KCNC2: variants seen among roughly 807,000 people sequenced by gnomAD.
KCNC2 encodes the protein voltage-gated potassium channel KCNC2.
In KCNC2, 21 loss-of-function variants were observed where a neutral mutation model predicts 44.5. The ratio of observed to expected loss-of-function variants is 0.47; its 90% confidence interval spans 0.33 to 0.68. The LOEUF is 0.68. Ranked by LOEUF, KCNC2 falls within the 30% of genes least tolerant of loss-of-function variation. The probability of loss-of-function intolerance (pLI) is 0.01; values close to 1 mark genes in which losing one functional copy is unlikely to be tolerated. For synonymous variants in KCNC2, 391 were observed against 339.1 expected, an observed-to-expected ratio of 1.15 and a Z score of -1.68; for missense variants, 589 against 826.2, an observed-to-expected ratio of 0.71 and a Z score of 3.52.
intron 2 of KCNC2, among the ~76,000 whole-genome samples, chr12:75,145,417 G>T (rs1237598566): frequency 6.6e-6 from 1 of 151,576 alleles, no homozygotes; most frequent in African/African-American, 2.4e-5. Flanking sequence ...TTTACATGCT[G>T]GGTCTAAGCC....
intron 2 of KCNC2, among the ~76,000 whole-genome samples, chr12:75,070,755 A>G (rs1883319081): frequency 6.6e-6 from 1 of 152,120 alleles, no homozygotes; most frequent in Non-Finnish European, 1.5e-5. Context: ...GTTTAGAGAC[A>G]CTAACTTTAT....
chr12:75,120,981 G>A (rs1237608226), intron 2 of KCNC2, among the ~76,000 whole-genome samples: 1 of 152,028 alleles, frequency 6.6e-6, no homozygotes, highest in African/African-American at 2.4e-5. Context: ...CCAATATAGG[G>A]CAACTTTCCA....
intron 2 of KCNC2, among the ~76,000 whole-genome samples, chr12:75,141,603 T>TAA (rs59500567): frequency 1.3e-5 from 2 of 152,020 alleles, no homozygotes; most frequent in African/African-American, 4.8e-5. Context: ...CATTCCATTT[T>TAA]AAAAAATTTA....
At chr12:75,068,522 A>G (rs772906353) in intron 2 of KCNC2, among the ~76,000 whole-genome samples, 32 of 152,238 alleles carry the variant, frequency 2.1e-4, no homozygotes, top group Non-Finnish European at 4.0e-4. Context: ...AATAATTTAT[A>G]CAAAGTAGAA....
At chr12:75,151,308 G>T (rs1890377327) in intron 2 of KCNC2, among the ~76,000 whole-genome samples, 1 of 151,982 alleles carries the variant, frequency 6.6e-6, no homozygotes, top group Non-Finnish European at 1.5e-5. Context: ...CCACAGAATA[G>T]TCTTCACACA....
chr12:75,083,099 A>G (rs1884656141), intron 2 of KCNC2, among the ~76,000 whole-genome samples: 1 of 144,728 alleles, frequency 6.9e-6, no homozygotes, highest in Non-Finnish European at 1.5e-5. Context: ...AATTAAAATT[A>G]TTTTCTTTTA....
intron 2 of KCNC2, among the ~76,000 whole-genome samples, chr12:75,109,839 T>C (rs1887083428): frequency 6.6e-6 from 1 of 151,926 alleles, no homozygotes; most frequent in African/African-American, 2.4e-5. Context: ...TAACTTGAAA[T>C]GAATAAAAGG....
intron 2 of KCNC2, among the ~76,000 whole-genome samples, chr12:75,148,530 T>A: frequency 6.6e-6 from 1 of 152,130 alleles, no homozygotes; most frequent in East Asian, 1.9e-4. Context: ...CTTATTTTAG[T>A]AATTTAAAAC....
At chr12:75,048,840 G>A (rs905829201) in intron 3 of KCNC2, among the ~76,000 whole-genome samples, 1 of 152,052 alleles carries the variant, frequency 6.6e-6, no homozygotes, top group Non-Finnish European at 1.5e-5. Flanking sequence ...CAATTTTGAA[G>A]CGGCAAGATA....
At chr12:75,045,558 G>A (rs1171256356) in intron 4 of KCNC2, among the ~76,000 whole-genome samples, 3 of 151,516 alleles carry the variant, frequency 2.0e-5, no homozygotes, top group Non-Finnish European at 4.4e-5. Flanking sequence ...GGTTTTACTC[G>A]AATGGCTAAA....
rs1879935735 is a variant in KCNC2 at position 75,041,805 on chromosome 12, C to T, written c.*1300G>A. 2 of 989,278 alleles carry T rather than the reference C, an allele frequency of 2.0e-6. No homozygotes were observed. Among genetic ancestry groups the T allele is most frequent in the Non-Finnish European group, 2.4e-6 (2 of 832,400 alleles). The allele number at this position is 989,278 out of a possible 1,614,324, so 61.3% of individuals were successfully genotyped here. On this transcript the variant is annotated 3_prime_UTR_variant, in exon 5 of 5. Coordinates refer to ENST00000549446, the MANE Select transcript of KCNC2 (RefSeq NM_139137.4). The stretch of plus-strand genomic sequence containing the variant: ...CGATTAACTTAGGTAGTCTACAGAG[C>T]ATCATTAATTTATACACAAAGCAGA...
At chr12:75,122,570 CACA>C (rs1888121520) in intron 2 of KCNC2, among the ~76,000 whole-genome samples, 3 of 152,248 alleles carry the variant, frequency 2.0e-5, no homozygotes, top group Admixed American at 2.0e-4. Flanking sequence ...TCATCTCCTC[CACA>C]TGGCTTTAGA....
chr12:75,148,527 T>C (rs2137448664), intron 2 of KCNC2, among the ~76,000 whole-genome samples: 1 of 152,230 alleles, frequency 6.6e-6, no homozygotes, highest in South Asian at 2.1e-4. Context: ...CTTCTTATTT[T>C]AGTAATTTAA....
At chr12:75,050,104 C>G (rs1881005764) in intron 3 of KCNC2, among the ~76,000 whole-genome samples, 1 of 151,852 alleles carries the variant, frequency 6.6e-6, no homozygotes, top group Non-Finnish European at 1.5e-5. Context: ...AACATTGGCA[C>G]AAAAGCAACA....
In KCNC2 at chr12:75,126,380, A is replaced by T. The variant is rs116923133; in HGVS notation, c.688-75063T>A. Reference sequence around the variant, plus strand: ...CATATTTACTCAACAAATTTTTACTAAACTACCTACAATGTGTCAGACACT... The same window carrying T: ...CATATTTACTCAACAAATTTTTACTTAACTACCTACAATGTGTCAGACACT... On this transcript the variant is annotated intron_variant, in intron 2 of 4. Transcript: ENST00000549446. Among the ~76,000 whole-genome samples the T allele has an allele frequency of 1.3e-3, 195 of 152,358 alleles. 3 individuals are homozygous for T. The highest frequency in any genetic ancestry group is 6.8e-3 in the Middle Eastern group (2 of 294).
In KCNC2 at chr12:75,042,523, C is replaced by A; in HGVS notation, c.*582G>T. 7.0e-7 allele frequency: 1 copy of A among 1,423,214 alleles called. No homozygotes were observed. Among genetic ancestry groups the A allele is most frequent in the Non-Finnish European group, 9.2e-7 (1 of 1,092,722 alleles). The allele number at this position is 1,423,214 out of a possible 1,614,324, so 88.2% of individuals were successfully genotyped here. A position where few individuals can be genotyped will look rare whatever the true frequency, so the allele number is the denominator to read the frequency against. On this transcript the variant is annotated 3_prime_UTR_variant, in exon 5 of 5. Coordinates refer to ENST00000549446, the MANE Select transcript of KCNC2 (RefSeq NM_139137.4). ...AAGGAGAAAAGTGCCCTCCCTGCCC[C>A]ACAATTCAACATGCAGAACAGTCGA... is the stretch of plus-strand genomic sequence containing the variant.
chr12:75,115,688 A>G (rs1013356693), intron 2 of KCNC2, among the ~76,000 whole-genome samples: 4 of 152,158 alleles, frequency 2.6e-5, no homozygotes, highest in Non-Finnish European at 4.4e-5. Context: ...AAACTGGTAC[A>G]CTTGGAATCA....
At chr12:75,162,610 T>G (rs1400973999) in intron 2 of KCNC2, among the ~76,000 whole-genome samples, 1 of 151,736 alleles carries the variant, frequency 6.6e-6, no homozygotes, top group Admixed American at 6.6e-5. Flanking sequence ...TTAAATCACA[T>G]GCAAATTTAA....
chr12:75,174,735 G>A (rs893627604), intron 2 of KCNC2, among the ~76,000 whole-genome samples: 1 of 151,746 alleles, frequency 6.6e-6, no homozygotes, highest in Non-Finnish European at 1.5e-5. Flanking sequence ...TCTATTTCTG[G>A]TAGAAACTCC....
Sources: gnomAD v4.1 joint callset for allele counts (sites outside exome capture counted in the v4.1 genomes callset) on GRCh38, gnomAD v4.1.1 for gene constraint, MANE v1.5 for transcripts, NCBI Gene and HGNC (gene_info 2026-07-23, HGNC 2026-07-21) for gene names.